The following ITFG2 variants were observed in gnomAD, a reference collection of about 807,000 sequenced individuals.
ITFG2 encodes the protein integrin alpha FG-GAP repeat containing 2.
Under a neutral mutation model 54.4 loss-of-function variants are expected in ITFG2, and 36 were observed. That is an observed-to-expected ratio of 0.66 (90% CI 0.51 to 0.87). The LOEUF (loss-of-function observed/expected upper bound fraction) is 0.87. ITFG2 is among the 40% of genes least tolerant of loss of function. ITFG2 has a pLI of 0.00. For missense variants in ITFG2, 524 were observed against 576.7 expected (o/e 0.91, Z 0.94); for synonymous variants, 211 against 225.4 (o/e 0.94, Z 0.57).
At chr12:2,858,866 G>A (rs1444839205) in intron 3 of ITFG2, 2 of 1,614,186 alleles carry the variant, frequency 1.2e-6, no homozygotes, top group Non-Finnish European at 1.7e-6. Context: ...AGTTGCCAAA[G>A]GGGACGGAGA....
Position 2,824,333 on chromosome 12 carries a change from C to T in ITFG2, c.*140C>T. Reference sequence around the variant, plus strand: ...CTCTGGGCATGAAAGATGGCAGCAGCCCTAGGGTGACCGTGAACTATAGAC... The same window carrying T: ...CTCTGGGCATGAAAGATGGCAGCAGTCCTAGGGTGACCGTGAACTATAGAC... On this transcript the variant is annotated 3_prime_UTR_variant, in exon 12 of 12. Transcript: ENST00000228799. The T allele has an allele frequency of 1.1e-6, 1 of 883,924 alleles. No homozygotes were observed. The highest frequency in any genetic ancestry group is 2.6e-5 in the East Asian group (1 of 38,098). 54.8% of individuals were successfully genotyped at this position (883,924 alleles called of 1,614,324 possible). A position where few individuals can be genotyped will look rare whatever the true frequency, so the allele number is the denominator to read the frequency against.
intron 2 of ITFG2, among the ~76,000 whole-genome samples, chr12:2,853,094 A>C (rs993712394): frequency 2.0e-5 from 3 of 152,054 alleles, no homozygotes; most frequent in African/African-American, 7.2e-5. Flanking sequence ...TGTTTGGCAG[A>C]ACACCACCTG....
downstream of ITFG2, among the ~76,000 whole-genome samples, chr12:2,831,238 T>C (rs945069398): frequency 6.6e-6 from 1 of 151,752 alleles, no homozygotes; most frequent in Non-Finnish European, 1.5e-5. Context: ...GACCTCATCC[T>C]TCAATGGGCT....
At position 2,820,760 on chromosome 12, in the gene ITFG2, C is replaced by T; in HGVS notation, c.583C>T (p.Leu195Phe). 6.2e-7 allele frequency: 1 copy of T among 1,613,992 alleles called. No homozygotes were observed. Among genetic ancestry groups the T allele is most frequent in the South Asian group, 1.1e-5 (1 of 91,076 alleles). ...SLSVTLGPLG[L>F]PELMVSQPGC... ...CTCAGTGACTCTGGGGCCACTGGGT[C>T]TTCCTGAACTGATGGTGTCTCAGCC... The change falls in exon 6 of 12, where the codon CTT becomes TTT. Residue 195 changes from leucine (L) to phenylalanine (F), a missense_variant. Leu to Phe is a conservative substitution (Grantham distance 22). Transcript: ENST00000228799.
rs1424382061 is a variant in ITFG2, at chr12:2,855,530, C to G, written n.301-2482C>G. On this transcript the variant is annotated intron_variant and non_coding_transcript_variant, in intron 2 of 3. Transcript: ENST00000537710. ...GGGTGAGGCACTCCGCTCTCCTTCCCAGGCACGACCTCTGCCAGCCCAGGA... is the reference window on the plus strand; with the variant it reads ...GGGTGAGGCACTCCGCTCTCCTTCCGAGGCACGACCTCTGCCAGCCCAGGA... The G allele has an allele frequency of 6.6e-6, 7 of 1,063,976 alleles. No individual in the cohort carries two copies. The African/African-American group carries it at 8.0e-5, about 12-fold the overall frequency. The allele number at this position is 1,063,976 out of a possible 1,614,324, so 65.9% of individuals were successfully genotyped here.
At chr12:2,851,733 C>T (rs985096440) in intron 2 of ITFG2, among the ~76,000 whole-genome samples, 2 of 151,562 alleles carry the variant, frequency 1.3e-5, no homozygotes, top group African/African-American at 4.9e-5. Flanking sequence ...GGCTGGAATG[C>T]AGTGGCGTGA....
At chr12:2,856,571 C>T (rs1006937734) in intron 2 of ITFG2, among the ~76,000 whole-genome samples, 2 of 152,174 alleles carry the variant, frequency 1.3e-5, no homozygotes, top group African/African-American at 2.4e-5. Flanking sequence ...TCATGTTGGC[C>T]AAGCTGGTCT....
intron 1 of ITFG2, among the ~76,000 whole-genome samples, chr12:2,838,405 A>G (rs938573612): frequency 1.1e-4 from 16 of 152,198 alleles, no homozygotes; most frequent in Non-Finnish European, 1.6e-4. Flanking sequence ...CTAGGGAGCC[A>G]GCCTGCCAAC....
chr12:2,833,424 G>C (rs1468121131), upstream of ITFG2, among the ~76,000 whole-genome samples: 1 of 152,120 alleles, frequency 6.6e-6, no homozygotes, highest in Non-Finnish European at 1.5e-5. Context: ...GGAATTGCCA[G>C]ACCTCTGGGC....
At chr12:2,834,914 G>C (rs772333441), upstream of ITFG2, 2 of 1,613,586 alleles carry the variant, frequency 1.2e-6, no homozygotes, top group African/African-American at 2.7e-5. Flanking sequence ...GCCTGTCTCT[G>C]TCCCGTGCTG....
At chr12:2,840,923 T>G (rs961753333) in exon 2 of ITFG2, 3 of 152,496 alleles carry the variant, frequency 2.0e-5, no homozygotes, top group African/African-American at 7.3e-5. Flanking sequence ...GCGATGACAT[T>G]TACACATAGG....
intron 2 of ITFG2, among the ~76,000 whole-genome samples, chr12:2,854,233 C>T (rs1017938088): frequency 3.3e-5 from 5 of 152,312 alleles, no homozygotes; most frequent in African/African-American, 9.6e-5. Flanking sequence ...CCATGTTGGT[C>T]AGGCTGGTCT....
chr12:2,843,477 G>A (rs1018201869), intron 2 of ITFG2, among the ~76,000 whole-genome samples: 1 of 152,230 alleles, frequency 6.6e-6, no homozygotes, highest in African/African-American at 2.4e-5. Context: ...GATGAAAGCA[G>A]CCTGAGCATG....
intron 4 of ITFG2, among the ~76,000 whole-genome samples, chr12:2,819,260 C>G (rs1009353711): frequency 6.6e-6 from 1 of 151,828 alleles, no homozygotes; most frequent in East Asian, 1.9e-4. Flanking sequence ...GTCAGGAGAC[C>G]GAGACCATCC....
At position 2,844,886 on chromosome 12, in the gene ITFG2, A is replaced by G. The variant is rs531510040; in HGVS notation, n.300+3891A>G. ...ATAAGTGTGGTCTAAGGGAAGCCACACATCGAAATTCCTGTCTTGGAATTT... is the reference window on the plus strand; with the variant it reads ...ATAAGTGTGGTCTAAGGGAAGCCACGCATCGAAATTCCTGTCTTGGAATTT... On this transcript the variant is annotated intron_variant and non_coding_transcript_variant, in intron 2 of 3. Coordinates refer to the ITFG2 transcript ENST00000537710. Among the ~76,000 whole-genome samples the G allele has an allele frequency of 5.9e-5, 9 of 152,308 alleles. No individual in the cohort carries two copies. The South Asian group carries it at 1.7e-3, about 28-fold the overall frequency.
At chr12:2,838,220 C>T (rs1399897791) in intron 1 of ITFG2, among the ~76,000 whole-genome samples, 1 of 152,204 alleles carries the variant, frequency 6.6e-6, no homozygotes, top group Non-Finnish European at 1.5e-5. Flanking sequence ...GAGTGACACA[C>T]AGCGTGATGC....
chr12:2,853,480 C>T (rs2098077607), intron 2 of ITFG2, among the ~76,000 whole-genome samples: 1 of 152,100 alleles, frequency 6.6e-6, no homozygotes, highest in Non-Finnish European at 1.5e-5. Flanking sequence ...ACCATGTTGG[C>T]CAGGCTGGTC....
upstream of ITFG2, among the ~76,000 whole-genome samples, chr12:2,836,353 G>A (rs2098027707): frequency 6.6e-6 from 1 of 152,158 alleles, no homozygotes; most frequent in Admixed American, 6.5e-5. Flanking sequence ...AAACGCATTG[G>A]CCAAGCACCT....
At chr12:2,858,524 T>G in intron 3 of ITFG2, 3 of 862,406 alleles carry the variant, frequency 3.5e-6, no homozygotes, top group Non-Finnish European at 5.3e-6. Flanking sequence ...AGCAGGGAGC[T>G]ATGAGGAGCA....
Sources: gnomAD v4.1 joint callset for allele counts (sites outside exome capture counted in the v4.1 genomes callset) on GRCh38, gnomAD v4.1.1 for gene constraint, MANE v1.5 for transcripts, NCBI Gene and HGNC (gene_info 2026-07-23, HGNC 2026-07-21) for gene names.